SIL1: variants seen among roughly 807,000 people sequenced by gnomAD.
SIL1 encodes the protein SIL1 nucleotide exchange factor, also known as nucleotide exchange factor SIL1.
In SIL1, 40 loss-of-function variants were observed where a neutral mutation model predicts 49.1. That is an observed-to-expected ratio of 0.81 (90% CI 0.63 to 1.06). The LOEUF (loss-of-function observed/expected upper bound fraction) is 1.06. Among genes scored for constraint, SIL1 ranks in the 50% least tolerant of loss-of-function variants. SIL1 has a pLI of 0.00. For missense variants in SIL1, 500 were observed against 572.6 expected, an observed-to-expected ratio of 0.87 and a Z score of 1.29; for synonymous variants, 253 against 250.8, an observed-to-expected ratio of 1.01 and a Z score of -0.08.
intron 2 of SIL1, among the ~76,000 whole-genome samples, chr5:139,124,467 C>T (rs1176285057): frequency 6.6e-6 from 1 of 152,166 alleles, no homozygotes; most frequent in Non-Finnish European, 1.5e-5. Flanking sequence ...TTTTAAAGTA[C>T]ACCTCAGTTT....
chr5:138,990,773 T>G (rs1767738367), intron 7 of SIL1, among the ~76,000 whole-genome samples: 1 of 152,220 alleles, frequency 6.6e-6, no homozygotes, highest in Admixed American at 6.5e-5. Context: ...TGAAGTCCAG[T>G]GGCGCGATCT....
At chr5:139,114,863 C>G (rs552061473) in intron 3 of SIL1, among the ~76,000 whole-genome samples, 8 of 151,956 alleles carry the variant, frequency 5.3e-5, no homozygotes, top group Non-Finnish European at 7.4e-5. Flanking sequence ...GTGCTTGAGC[C>G]AGGGTGAAAC....
In SIL1 at chr5:139,057,314, T is replaced by TTAAAAAAAAAAA. The variant is rs781049621; in HGVS notation, c.245-6269_245-6268insTTTTTTTTTTTA. Among the ~76,000 whole-genome samples the TTAAAAAAAAAAA allele has an allele frequency of 1.7e-3, 121 of 73,256 alleles. 11 individuals are homozygous for TTAAAAAAAAAAA. Among genetic ancestry groups the TTAAAAAAAAAAA allele is most frequent in the Middle Eastern group, 7.2e-3 (1 of 138 alleles). The allele number at this position is 73,256 out of a possible 152,430, so 48.1% of individuals were successfully genotyped here. A position where few individuals can be genotyped will look rare whatever the true frequency, so the allele number is the denominator to read the frequency against. On this transcript the variant is annotated intron_variant, in intron 3 of 9. Coordinates refer to ENST00000394817, the MANE Select transcript of SIL1 (RefSeq NM_022464.5). ...GCGAGAAACACCCAAGAATGATCAA[T>TTAAAAAAAAAAA]AAAAAAAAAAAAAAGAAAAGAAAAG...
rs1351251265 is a variant in SIL1 at position 139,112,774 on chromosome 5, G to C, written c.244+8261C>G. 3.3e-5 allele frequency among the ~76,000 whole-genome samples: 5 copies of C among 152,168 alleles called. No individual in the cohort carries two copies. The South Asian group carries it at 8.3e-4, about 25-fold the overall frequency. On this transcript the variant is annotated intron_variant, in intron 3 of 9. Coordinates refer to ENST00000394817, the MANE Select transcript of SIL1 (RefSeq NM_022464.5). Reference sequence around the variant, plus strand: ...TGGGAAGTGAGGAGCCCCTCTGCCCGGCCACCACCCCGTCTGGGAGGTGCA... The same window carrying C: ...TGGGAAGTGAGGAGCCCCTCTGCCCCGCCACCACCCCGTCTGGGAGGTGCA...
intron 5 of SIL1, among the ~76,000 whole-genome samples, chr5:139,027,965 G>A (rs529346964): frequency 8.5e-5 from 13 of 152,236 alleles, no homozygotes; most frequent in Admixed American, 2.6e-4. Context: ...AGCTCCTAGC[G>A]GAGCAATCAC....
chr5:139,077,050 C>T (rs1769967580), intron 3 of SIL1, among the ~76,000 whole-genome samples: 1 of 152,182 alleles, frequency 6.6e-6, no homozygotes, highest in Non-Finnish European at 1.5e-5. Flanking sequence ...AGGAGAATTG[C>T]TTGAACCCAG....
At chr5:139,138,396 G>T (rs996816302) in intron 1 of SIL1, among the ~76,000 whole-genome samples, 1 of 152,160 alleles carries the variant, frequency 6.6e-6, no homozygotes, top group Non-Finnish European at 1.5e-5. Flanking sequence ...TAGACTGTAA[G>T]CTCCTAGCAA....
intron 1 of SIL1, among the ~76,000 whole-genome samples, chr5:139,131,985 A>C (rs1750874415): frequency 6.6e-6 from 1 of 152,168 alleles, no homozygotes; most frequent in African/African-American, 2.4e-5. Context: ...AACATACAAC[A>C]AAACAAAGAT....
At chr5:138,970,975 C>G (rs756183117) in intron 7 of SIL1, among the ~76,000 whole-genome samples, 1 of 151,932 alleles carries the variant, frequency 6.6e-6, no homozygotes, top group Non-Finnish European at 1.5e-5. Context: ...GACACACACA[C>G]CCCTGGACCA....
At chr5:139,049,598 G>A (rs1769242986) in intron 4 of SIL1, among the ~76,000 whole-genome samples, 1 of 152,120 alleles carries the variant, frequency 6.6e-6, no homozygotes, top group South Asian at 2.1e-4. Context: ...AGACCAGCCT[G>A]AGCAATAAAG....
At chr5:139,063,983 T>C (rs1769648073) in intron 3 of SIL1, among the ~76,000 whole-genome samples, 1 of 152,222 alleles carries the variant, frequency 6.6e-6, no homozygotes, top group Admixed American at 6.5e-5. Flanking sequence ...ACAGAAGTCA[T>C]GATTGAATAA....
At chr5:139,187,381 G>A (rs959728739) in intron 1 of SIL1, among the ~76,000 whole-genome samples, 2 of 152,146 alleles carry the variant, frequency 1.3e-5, no homozygotes, top group African/African-American at 4.8e-5. Context: ...GCCGGGTGTG[G>A]TGGCACATGC....
chr5:138,973,228 G>T (rs918990915), intron 7 of SIL1, among the ~76,000 whole-genome samples: 2 of 145,954 alleles, frequency 1.4e-5, no homozygotes, highest in Admixed American at 6.8e-5. Flanking sequence ...AAAAAAGGTT[G>T]TGTAAGAATA....
chr5:139,093,102 G>C (rs1242116779), intron 3 of SIL1, among the ~76,000 whole-genome samples: 1 of 152,074 alleles, frequency 6.6e-6, no homozygotes, highest in Non-Finnish European at 1.5e-5. Context: ...TCCAGCCCAG[G>C]CAACATAGCA....
intron 4 of SIL1, among the ~76,000 whole-genome samples, chr5:139,048,398 C>T (rs1301251862): frequency 4.5e-5 from 5 of 111,476 alleles, no homozygotes; most frequent in Non-Finnish European, 8.6e-5. Context: ...TTTTTTGAGA[C>T]AGGGTCTGGC....
chr5:139,150,809 C>A (rs1751281582), intron 1 of SIL1, among the ~76,000 whole-genome samples: 1 of 152,170 alleles, frequency 6.6e-6, no homozygotes. Context: ...AATGTCAACA[C>A]TTTGGGAGCC....
intron 1 of SIL1, among the ~76,000 whole-genome samples, chr5:139,190,869 G>A (rs1353272792): frequency 6.6e-6 from 1 of 152,090 alleles, no homozygotes; most frequent in Non-Finnish European, 1.5e-5. Context: ...CAAGGATGGA[G>A]ACTTAACTTC....
intron 1 of SIL1, among the ~76,000 whole-genome samples, chr5:139,171,615 G>A (rs1292077518): frequency 6.6e-6 from 1 of 151,106 alleles, no homozygotes; most frequent in Non-Finnish European, 1.5e-5. Flanking sequence ...TTGTTCACTT[G>A]TTTATCTGCT....
At chr5:138,972,286 T>C (rs992156596) in intron 7 of SIL1, among the ~76,000 whole-genome samples, 2 of 152,236 alleles carry the variant, frequency 1.3e-5, no homozygotes, top group East Asian at 3.8e-4. Context: ...ACTTGTCCAC[T>C]GAGCCTGTCC....
Sources: gnomAD v4.1 joint callset for allele counts (sites outside exome capture counted in the v4.1 genomes callset) on GRCh38, gnomAD v4.1.1 for gene constraint, MANE v1.5 for transcripts, NCBI Gene and HGNC (gene_info 2026-07-23, HGNC 2026-07-21) for gene names.